CACNA2D1: variants seen among roughly 807,000 people sequenced by gnomAD.
CACNA2D1 encodes the protein voltage-dependent calcium channel subunit alpha-2/delta-1.
In CACNA2D1, 53 loss-of-function variants were observed where a neutral mutation model predicts 171.5. That is an observed-to-expected ratio of 0.31 (90% CI 0.25 to 0.39). The LOEUF (loss-of-function observed/expected upper bound fraction) is 0.39, where lower values mean the gene tolerates loss of function less well. Among genes scored for constraint, CACNA2D1 ranks in the 10% least tolerant of loss-of-function variants. The probability of loss-of-function intolerance (pLI) is 1.00; values close to 1 mark genes in which losing one functional copy is unlikely to be tolerated. For synonymous variants in CACNA2D1, 442 were observed against 443.1 expected (o/e 1.00, Z 0.03); for missense variants, 903 against 1,299.8 (o/e 0.69, Z 4.69).
intron 3 of CACNA2D1, among the ~76,000 whole-genome samples, chr7:82,204,937 C>A (rs1799858038): frequency 6.6e-6 from 1 of 152,192 alleles, no homozygotes; most frequent in Non-Finnish European, 1.5e-5. Context: ...ATTATGTAAC[C>A]ATGCCACGTG....
chr7:82,048,233 A>G (rs1804773934), intron 10 of CACNA2D1, among the ~76,000 whole-genome samples: 1 of 152,180 alleles, frequency 6.6e-6, no homozygotes, highest in Non-Finnish European at 1.5e-5. Flanking sequence ...ACATCTGGAA[A>G]ACTTAGAGCA....
chr7:82,380,405 G>A (rs1285566102), intron 1 of CACNA2D1, among the ~76,000 whole-genome samples: 3 of 151,926 alleles, frequency 2.0e-5, no homozygotes, highest in Non-Finnish European at 2.9e-5. Context: ...CTATGATTAA[G>A]TTTTATATGT....
chr7:82,220,341 C>T (rs944800792), intron 3 of CACNA2D1, among the ~76,000 whole-genome samples: 10 of 151,950 alleles, frequency 6.6e-5, no homozygotes, highest in East Asian at 3.9e-4. Flanking sequence ...TTAAGAAATT[C>T]GCTGCTTGGG....
intron 3 of CACNA2D1, among the ~76,000 whole-genome samples, chr7:82,269,248 C>A (rs530455267): frequency 1.2e-4 from 18 of 152,236 alleles, no homozygotes; most frequent in Admixed American, 5.9e-4. Flanking sequence ...CTCATACACC[C>A]CTTACAGCTG....
At chr7:82,146,513 T>C (rs991766647) in intron 4 of CACNA2D1, among the ~76,000 whole-genome samples, 5 of 145,914 alleles carry the variant, frequency 3.4e-5, no homozygotes, top group Non-Finnish European at 6.0e-5. Context: ...TATAAAGATA[T>C]ATATCTTTAT....
chr7:82,161,365 A>G (rs1012748425), intron 4 of CACNA2D1, among the ~76,000 whole-genome samples: 14 of 152,184 alleles, frequency 9.2e-5, no homozygotes, highest in African/African-American at 3.4e-4. Flanking sequence ...GAATTCTATA[A>G]AACAATTTTG....
chr7:82,263,235 A>C (rs1807365334), intron 3 of CACNA2D1, among the ~76,000 whole-genome samples: 1 of 150,924 alleles, frequency 6.6e-6, no homozygotes, highest in Admixed American at 6.6e-5. Context: ...CAGCCTCCCA[A>C]GTAGCTGGGA....
intron 1 of CACNA2D1, among the ~76,000 whole-genome samples, chr7:82,367,388 C>T (rs1411965842): frequency 6.6e-6 from 1 of 151,996 alleles, no homozygotes; most frequent in Non-Finnish European, 1.5e-5. Context: ...CTCTCCATGC[C>T]TTTGTATCTT....
intron 3 of CACNA2D1, among the ~76,000 whole-genome samples, chr7:82,270,354 T>C (rs1253628107): frequency 6.6e-6 from 1 of 152,192 alleles, no homozygotes; most frequent in Non-Finnish European, 1.5e-5. Context: ...ACACGTAGTC[T>C]TCTCCATCTG....
chr7:82,347,438 A>G (rs1381375359), intron 2 of CACNA2D1, among the ~76,000 whole-genome samples: 4 of 152,128 alleles, frequency 2.6e-5, no homozygotes, highest in African/African-American at 9.7e-5. Context: ...AATAAAAATG[A>G]ATGTAATTTG....
chr7:81,987,778 A>C (rs1239222219), intron 21 of CACNA2D1, among the ~76,000 whole-genome samples: 1 of 152,142 alleles, frequency 6.6e-6, no homozygotes, highest in Non-Finnish European at 1.5e-5. Context: ...CAAAGGTGGG[A>C]AAGTTGGGGC....
At chr7:82,343,510 T>G (rs1297054531) in intron 2 of CACNA2D1, among the ~76,000 whole-genome samples, 1 of 152,268 alleles carries the variant, frequency 6.6e-6, no homozygotes, top group East Asian at 1.9e-4. Flanking sequence ...TAACAAAGAC[T>G]AAAGAATTTT....
At chr7:82,265,211 A>G (rs1183346111) in intron 3 of CACNA2D1, among the ~76,000 whole-genome samples, 4 of 152,322 alleles carry the variant, frequency 2.6e-5, no homozygotes, top group East Asian at 1.9e-4. Context: ...ACATCTTTTA[A>G]TTGCATCAGG....
intron 6 of CACNA2D1, among the ~76,000 whole-genome samples, chr7:82,097,941 C>A (rs1356921989): frequency 6.6e-6 from 1 of 151,978 alleles, no homozygotes; most frequent in Admixed American, 6.6e-5. Flanking sequence ...TGGTGAAACC[C>A]TGTCTCTACT....
intron 8 of CACNA2D1, among the ~76,000 whole-genome samples, chr7:82,065,388 C>T (rs1344007917): frequency 2.6e-5 from 4 of 152,122 alleles, no homozygotes; most frequent in Non-Finnish European, 4.4e-5. Flanking sequence ...GAAGACAGGA[C>T]ATGTCTGCCT....
intron 6 of CACNA2D1, among the ~76,000 whole-genome samples, chr7:82,108,100 TG>T: frequency 6.6e-6 from 1 of 152,184 alleles, no homozygotes; most frequent in Non-Finnish European, 1.5e-5. Context: ...GAGTTATAAA[TG>T]GTATCAAATT....
intron 4 of CACNA2D1, among the ~76,000 whole-genome samples, chr7:82,158,100 T>A (rs1160220531): frequency 6.6e-6 from 1 of 151,994 alleles, no homozygotes; most frequent in African/African-American, 2.4e-5. Flanking sequence ...TCTATTTTGA[T>A]AAACTGGATA....
At chr7:82,327,496 G>C (rs1816797873) in intron 3 of CACNA2D1, among the ~76,000 whole-genome samples, 1 of 152,150 alleles carries the variant, frequency 6.6e-6, no homozygotes, top group Non-Finnish European at 1.5e-5. Flanking sequence ...GTATATAAAA[G>C]TGTTACTGCT....
At chr7:82,214,047 G>A (rs1800847293) in intron 3 of CACNA2D1, among the ~76,000 whole-genome samples, 1 of 152,110 alleles carries the variant, frequency 6.6e-6, no homozygotes, top group East Asian at 1.9e-4. Context: ...GAAGGGACTA[G>A]CCAGCTTTCT....
Sources: allele counts gnomAD v4.1 joint callset (sites outside exome capture counted in the v4.1 genomes callset), GRCh38; gene constraint gnomAD v4.1.1; transcripts MANE v1.5; gene names NCBI Gene and HGNC (gene_info 2026-07-23, HGNC 2026-07-21).